CTNNA3: variants seen among roughly 807,000 people sequenced by gnomAD.
CTNNA3 encodes the protein catenin alpha 3.
Under a neutral mutation model 95.7 loss-of-function variants are expected in CTNNA3, and 76 were observed. The observed-to-expected ratio is 0.79, with a 90% confidence interval of 0.66 to 0.96. The LOEUF (loss-of-function observed/expected upper bound fraction) is 0.96. Ranked by LOEUF, CTNNA3 falls within the 40% of genes least tolerant of loss-of-function variation. The pLI, the probability that CTNNA3 is intolerant of heterozygous loss-of-function variation, is 0.00. For synonymous variants in CTNNA3, 431 were observed against 374.4 expected, an observed-to-expected ratio of 1.15 and a Z score of -1.74; for missense variants, 1,191 against 1,089.8, an observed-to-expected ratio of 1.09 and a Z score of -1.31.
intron 5 of CTNNA3, among the ~76,000 whole-genome samples, chr10:67,292,065 T>C (rs1444690423): frequency 6.6e-6 from 1 of 152,202 alleles, no homozygotes; most frequent in Non-Finnish European, 1.5e-5. Context: ...TAGACTCTTC[T>C]TGGCCTCTCT....
At position 66,379,178 on chromosome 10, in the gene CTNNA3, C is replaced by A; in HGVS notation, c.1706G>T (p.Arg569Ile). Residue 569 changes from arginine to isoleucine, a missense_variant, in exon 12 of 18, where the codon AGA becomes ATA. Arg to Ile is a moderately conservative substitution (Grantham distance 97). Coordinates refer to ENST00000433211, the MANE Select transcript of CTNNA3 (RefSeq NM_013266.4). The stretch of plus-strand genomic sequence containing the variant: ...AGTACTTGTAAGGAAGTTAACATTT[C>A]TCATTACACCTTCCGTGTAAGCCCC... The part of the protein sequence containing the change: ...EPGAYTEGVM[R>I]NVNFLTSTVI... The A allele has an allele frequency of 1.2e-6, 2 of 1,614,112 alleles. No individual in the cohort carries two copies. Among genetic ancestry groups the A allele is most frequent in the Non-Finnish European group, 1.7e-6 (2 of 1,179,968 alleles).
chr10:66,273,768 A>C (rs2091331382), intron 13 of CTNNA3, among the ~76,000 whole-genome samples: 1 of 152,162 alleles, frequency 6.6e-6, no homozygotes, highest in African/African-American at 2.4e-5. Flanking sequence ...TTTGGAAATT[A>C]AAACAAAAAA....
chr10:66,864,702 C>T (rs1844093509), intron 7 of CTNNA3, among the ~76,000 whole-genome samples: 1 of 152,004 alleles, frequency 6.6e-6, no homozygotes, highest in African/African-American at 2.4e-5. Context: ...TTCTATTTTG[C>T]AACATTGCAA....
chr10:66,118,748 T>C (rs1467726420), intron 13 of CTNNA3, among the ~76,000 whole-genome samples: 3 of 152,164 alleles, frequency 2.0e-5, no homozygotes, highest in Non-Finnish European at 4.4e-5. Flanking sequence ...AGAGAGCTGA[T>C]CTACTTTGGA....
intron 10 of CTNNA3, among the ~76,000 whole-genome samples, chr10:66,560,054 C>T (rs1477238583): frequency 6.6e-6 from 1 of 152,036 alleles, no homozygotes; most frequent in Non-Finnish European, 1.5e-5. Context: ...ACAGGGATTT[C>T]TCAGAAATGG....
At chr10:66,009,092 T>C (rs926312349) in intron 15 of CTNNA3, among the ~76,000 whole-genome samples, 1 of 151,222 alleles carries the variant, frequency 6.6e-6, no homozygotes, top group African/African-American at 2.5e-5. Flanking sequence ...AGAGTGAGAC[T>C]CAATCTCAGA....
chr10:67,668,011 G>A (rs528976077), intron 1 of CTNNA3, among the ~76,000 whole-genome samples: 2 of 152,060 alleles, frequency 1.3e-5, no homozygotes, highest in Non-Finnish European at 2.9e-5. Context: ...AAATAATTTT[G>A]TTATTGTTGT....
At chr10:67,645,986 A>G (rs1274800186) in intron 2 of CTNNA3, among the ~76,000 whole-genome samples, 2 of 148,364 alleles carry the variant, frequency 1.3e-5, no homozygotes, top group Non-Finnish European at 3.0e-5. Context: ...ATATATAAAG[A>G]AGATATATTC....
At chr10:66,087,296 C>CT (rs2081021166) in intron 14 of CTNNA3, among the ~76,000 whole-genome samples, 1 of 152,084 alleles carries the variant, frequency 6.6e-6, no homozygotes, top group Non-Finnish European at 1.5e-5. Flanking sequence ...GCTCTCTCTT[C>CT]TTTCTTTTGC....
intron 9 of CTNNA3, among the ~76,000 whole-genome samples, chr10:66,656,055 A>C (rs1846064577): frequency 6.6e-6 from 1 of 152,072 alleles, no homozygotes; most frequent in African/African-American, 2.4e-5. Flanking sequence ...GTACACGGCC[A>C]GTAAATAGTG....
chr10:67,522,843 A>C (rs1352064989), intron 4 of CTNNA3, among the ~76,000 whole-genome samples: 1 of 152,080 alleles, frequency 6.6e-6, no homozygotes, highest in Non-Finnish European at 1.5e-5. Context: ...AAGTAATGTA[A>C]TTTGCAAGAC....
chr10:66,112,605 T>C (rs2082161267), intron 13 of CTNNA3, among the ~76,000 whole-genome samples: 1 of 152,142 alleles, frequency 6.6e-6, no homozygotes, highest in Admixed American at 6.5e-5. Flanking sequence ...TGAAATTTCA[T>C]AACTTTGGAG....
intron 7 of CTNNA3, among the ~76,000 whole-genome samples, chr10:67,041,361 A>C (rs1156542038): frequency 6.6e-6 from 1 of 152,130 alleles, no homozygotes; most frequent in Non-Finnish European, 1.5e-5. Flanking sequence ...TACTATAAAT[A>C]ATAGAGGTTA....
intron 6 of CTNNA3, among the ~76,000 whole-genome samples, chr10:67,214,053 T>C (rs1420589572): frequency 6.6e-6 from 1 of 151,844 alleles, no homozygotes; most frequent in African/African-American, 2.4e-5. Context: ...AGCATATAGC[T>C]AGATTTCGTT....
intron 7 of CTNNA3, among the ~76,000 whole-genome samples, chr10:67,127,800 G>A (rs1270731092): frequency 1.3e-5 from 2 of 152,046 alleles, no homozygotes; most frequent in Admixed American, 6.6e-5. Flanking sequence ...TCTACACTCT[G>A]ACTTAGAGTT....
chr10:65,948,774 A>G (rs1174684435), intron 17 of CTNNA3, among the ~76,000 whole-genome samples: 6 of 152,178 alleles, frequency 3.9e-5, no homozygotes, highest in Non-Finnish European at 8.8e-5. Context: ...ACCATTTGTT[A>G]TTCAAATAAT....
At chr10:65,979,084 G>T (rs1294585423) in intron 16 of CTNNA3, among the ~76,000 whole-genome samples, 1 of 152,132 alleles carries the variant, frequency 6.6e-6, no homozygotes, top group East Asian at 1.9e-4. Context: ...GTTTTTACCA[G>T]AAGTTATATA....
At chr10:66,599,306 G>A (rs1324850004) in intron 10 of CTNNA3, among the ~76,000 whole-genome samples, 5 of 152,136 alleles carry the variant, frequency 3.3e-5, no homozygotes, top group African/African-American at 1.2e-4. Flanking sequence ...AAAGATAGCT[G>A]TCAACTCTTT....
intron 4 of CTNNA3, among the ~76,000 whole-genome samples, chr10:67,527,566 T>C (rs142685108): frequency 6.6e-6 from 1 of 152,334 alleles, no homozygotes; most frequent in East Asian, 1.9e-4. Context: ...AATGCCAAAA[T>C]TGTTGCACAT....
Sources: allele counts gnomAD v4.1 joint callset (sites outside exome capture counted in the v4.1 genomes callset), GRCh38; gene constraint gnomAD v4.1.1; transcripts MANE v1.5; gene names NCBI Gene and HGNC (gene_info 2026-07-23, HGNC 2026-07-21).